Variants in KANSL3 observed in about 807,000 individuals in gnomAD.
KANSL3 encodes NSL complex protein NSL3.
In KANSL3, 16 loss-of-function variants were observed where a neutral mutation model predicts 89.2. The ratio of observed to expected loss-of-function variants is 0.18; its 90% CI spans 0.12 to 0.27. The LOEUF (loss-of-function observed/expected upper bound fraction) is 0.27. Among genes scored for constraint, KANSL3 ranks in the 10% least tolerant of loss-of-function variants. The probability of loss-of-function intolerance (pLI) is 1.00; values close to 1 mark genes in which losing one functional copy is unlikely to be tolerated. For missense variants in KANSL3, 879 were observed against 1,110.6 expected (o/e 0.79, Z 2.96); for synonymous variants, 385 against 419.7 (o/e 0.92, Z 1.01).
chr2:96,604,763 T>A lies in KANSL3; in HGVS notation c.2018+16A>T. ...GGAAAAAAGGAATAGACACAGATGGTCCAATAAACACTCACTTGGCTGTGG... is the reference window on the plus strand; with the variant it reads ...GGAAAAAAGGAATAGACACAGATGGACCAATAAACACTCACTTGGCTGTGG... On this transcript the variant is annotated intron_variant, in intron 16 of 20. Coordinates refer to ENST00000431828, the MANE Select transcript of KANSL3 (RefSeq NM_001115016.3). 6.4e-7 allele frequency: 1 copy of A among 1,574,718 alleles called. No individual in the cohort carries two copies. The highest frequency in any genetic ancestry group is 2.3e-5 in the East Asian group (1 of 43,324).
intron 20 of KANSL3, among the ~76,000 whole-genome samples, chr2:96,596,695 C>G (rs2066568325): frequency 6.6e-6 from 1 of 152,194 alleles, no homozygotes; most frequent in Non-Finnish European, 1.5e-5. Context: ...CAGGGCTGTA[C>G]ACAGATGATC....
Position 96,605,403 on chromosome 2 carries a change from C to T in KANSL3, c.1850G>A (p.Arg617Gln), listed in dbSNP as rs370312220. 10 of 1,613,910 alleles carry T rather than the reference C, an allele frequency of 6.2e-6. No homozygotes were observed. The highest frequency in any genetic ancestry group is 2.7e-5 in the African/African-American group (2 of 75,040). Reference protein sequence around the residue: ...SPLPGSKTSKRPKIKVSLISQ... With the variant: ...SPLPGSKTSKQPKIKVSLISQ... ...GATAAGGGACACCTTGATCTTCGGTCGTTTGGAGGTCTTACTGCCAGGAAG... is the reference window on the plus strand; with the variant it reads ...GATAAGGGACACCTTGATCTTCGGTTGTTTGGAGGTCTTACTGCCAGGAAG... Residue 617 changes from arginine (R) to glutamine (Q), a missense_variant, in exon 15 of 21, where the codon CGA (arginine) becomes CAA (glutamine). Physicochemically the swap from Arg to Gln is conservative, Grantham distance 43 (BLOSUM62 1). Coordinates refer to ENST00000431828, the MANE Select transcript of KANSL3 (RefSeq NM_001115016.3).
chr2:96,622,069 G>A (rs1442031775), intron 3 of KANSL3, among the ~76,000 whole-genome samples: 1 of 151,408 alleles, frequency 6.6e-6, no homozygotes, highest in Non-Finnish European at 1.5e-5. Context: ...AGCTGAGACA[G>A]TGCCATTGCA....
At chr2:96,609,950 CAAAAAAAAAAA>C (rs35175492) in intron 11 of KANSL3, among the ~76,000 whole-genome samples, 2 of 21,612 alleles carry the variant, frequency 9.3e-5, no homozygotes, top group Non-Finnish European at 1.5e-4. Flanking sequence ...GGCGCCACCT[CAAAAAAAAAAA>C]AAAAAAAAAA....
At chr2:96,595,820 A>G (rs1558642021) in intron 20 of KANSL3, among the ~76,000 whole-genome samples, 189 bp from the exon 21 acceptor site, 1 of 152,208 alleles carries the variant, frequency 6.6e-6, no homozygotes, top group Non-Finnish European at 1.5e-5. Flanking sequence ...TGGACTCTAG[A>G]GTGAGAGACT....
At chr2:96,583,965 G>C in the KANSL3 span, among the ~76,000 whole-genome samples, 1 of 152,178 alleles carries the variant, frequency 6.6e-6, no homozygotes, top group South Asian at 2.1e-4. Flanking sequence ...CATGACCAGT[G>C]ATACTGAAAA....
chr2:96,609,270 G>A (rs2068486152), intron 12 of KANSL3, among the ~76,000 whole-genome samples: 1 of 152,178 alleles, frequency 6.6e-6, no homozygotes, highest in African/African-American at 2.4e-5. Flanking sequence ...TCTGTCAGGG[G>A]GAGCTCTGGG....
intron 3 of KANSL3, among the ~76,000 whole-genome samples, chr2:96,622,871 C>T (rs1393761176): frequency 6.6e-6 from 1 of 152,214 alleles, no homozygotes; most frequent in African/African-American, 2.4e-5. Flanking sequence ...CAATGGCTCC[C>T]TCTCTCATCT....
chr2:96,613,601 G>T lies in KANSL3; in HGVS notation c.682C>A (p.Arg228=), dbSNP rs1386851113. The change falls in exon 6 of 21, where the codon CGG becomes AGG. Residue 228 remains arginine, a synonymous_variant. Transcript: ENST00000431828. ...LKGKIPTLID[R]MLVSSNTKTG... is the part of the protein sequence containing the mutation. ...TTTGTGTTGGATGACACAAGCATCC[G>T]GTCAATCAAGGTTGGGATCTACAAA... 1.2e-6 allele frequency: 2 copies of T among 1,612,556 alleles called. No individual in the cohort carries two copies. The highest frequency in any genetic ancestry group is 2.2e-5 in the South Asian group (2 of 91,030).
At chr2:96,623,155 C>T (rs1310067140) in intron 3 of KANSL3, among the ~76,000 whole-genome samples, 1 of 152,218 alleles carries the variant, frequency 6.6e-6, no homozygotes, top group African/African-American at 2.4e-5. Context: ...AATTAAACAT[C>T]TGCTGAATAA....
chr2:96,587,677 C>T, the KANSL3 span, among the ~76,000 whole-genome samples: 1 of 152,230 alleles, frequency 6.6e-6, no homozygotes, highest in East Asian at 1.9e-4. Flanking sequence ...GAAAAGACAA[C>T]CAACAGATGC....
downstream of KANSL3, among the ~76,000 whole-genome samples, chr2:96,590,905 G>C (rs945981015): frequency 6.6e-6 from 1 of 152,152 alleles, no homozygotes; most frequent in Admixed American, 6.5e-5. Context: ...GGAATTGCTT[G>C]AACCAGGGAG....
At chr2:96,623,734 T>C (rs1005838215) in intron 3 of KANSL3, among the ~76,000 whole-genome samples, 2 of 152,138 alleles carry the variant, frequency 1.3e-5, no homozygotes, top group African/African-American at 4.8e-5. Flanking sequence ...GTCCATAAAA[T>C]AGATACAGCT....
intron 3 of KANSL3, among the ~76,000 whole-genome samples, chr2:96,626,542 C>A (rs1013389152): frequency 1.1e-4 from 16 of 152,134 alleles, no homozygotes; most frequent in Admixed American, 6.5e-5. Flanking sequence ...GATAAGAAAG[C>A]CTGCTTTTGG....
chr2:96,588,919 T>C (rs1452324602), downstream of KANSL3, among the ~76,000 whole-genome samples: 1 of 152,182 alleles, frequency 6.6e-6, no homozygotes. Flanking sequence ...CTAAATTATA[T>C]TTGAAGCAAA....
chr2:96,606,919 G>A, intron 14 of KANSL3: 1 of 1,030,514 alleles, frequency 9.7e-7, no homozygotes, highest in South Asian at 1.3e-5. Flanking sequence ...TAAATAAGGG[G>A]TTGAGGAGCA....
At chr2:96,584,418 T>C in the KANSL3 span, among the ~76,000 whole-genome samples, 15 of 152,356 alleles carry the variant, frequency 9.8e-5, no homozygotes, top group African/African-American at 1.4e-4. Flanking sequence ...ATCAGGATAA[T>C]TGGCATATCC....
At chr2:96,613,082 ATAGT>A in intron 6 of KANSL3, 148 bp from the exon 7 acceptor site, 1 of 627,192 alleles carries the variant, frequency 1.6e-6, no homozygotes, top group Non-Finnish European at 2.8e-6. Context: ...ATTATTAATA[ATAGT>A]TAAAGAAGCT....
chr2:96,609,008 G>A lies in KANSL3; in HGVS notation c.1440C>T (p.Gly480=). ...GVLTRAEGHM[G]SEPRDQDAEK... ...CAGCATCCTGATCCCGAGGTTCAGAGCCCATGTGACCCTCAGCACGAGTGA... is the reference window on the plus strand; with the variant it reads ...CAGCATCCTGATCCCGAGGTTCAGAACCCATGTGACCCTCAGCACGAGTGA... The change falls in exon 13 of 21, where the codon GGC becomes GGT. Residue 480 remains glycine (G), a synonymous_variant. Transcript: ENST00000431828. The A allele has an allele frequency of 6.4e-7, 1 of 1,565,562 alleles. No individual in the cohort carries two copies. The highest frequency in any genetic ancestry group is 1.9e-5 in the Admixed American group (1 of 52,426).
Sources: allele counts gnomAD v4.1 joint callset (sites outside exome capture counted in the v4.1 genomes callset), GRCh38; gene constraint gnomAD v4.1.1; transcripts MANE v1.5; gene names NCBI Gene and HGNC (gene_info 2026-07-23, HGNC 2026-07-21).